HEBP1: variants seen among roughly 807,000 people sequenced by gnomAD.
HEBP1 encodes the protein heme-binding protein 1.
A neutral mutation model predicts 20.4 loss-of-function variants in HEBP1; 13 were observed. The ratio of observed to expected loss-of-function variants is 0.64; its 90% CI spans 0.42 to 1.01. The LOEUF (loss-of-function observed/expected upper bound fraction) is 1.01. Among genes scored for constraint, HEBP1 ranks in the 50% least tolerant of loss-of-function variants. The probability of loss-of-function intolerance (pLI) is 0.00; values close to 1 mark genes in which losing one functional copy is unlikely to be tolerated. For missense variants in HEBP1, 241 were observed against 247.3 expected, an observed-to-expected ratio of 0.97 and a Z score of 0.17; for synonymous variants, 92 against 90.7, an observed-to-expected ratio of 1.01 and a Z score of -0.08.
intron 1 of HEBP1, among the ~76,000 whole-genome samples, chr12:12,992,349 G>A (rs1016320197): frequency 3.3e-5 from 5 of 152,128 alleles, no homozygotes; most frequent in African/African-American, 4.8e-5. Flanking sequence ...GACTACAGGC[G>A]AACGCCACCA....
Position 12,975,228 on chromosome 12 carries a change from G to A in HEBP1, c.*80C>T. On this transcript the variant is annotated 3_prime_UTR_variant, in exon 4 of 4. Transcript: ENST00000014930. ...AAGTTGGACTTGCAGCTGGAACTTG[G>A]GAAGCACTGTCCCCTCCTTACCCCC... 2 of 1,363,804 alleles carry A rather than the reference G, an allele frequency of 1.5e-6. No homozygotes were observed. Among genetic ancestry groups the A allele is most frequent in the East Asian group, 2.4e-5 (1 of 42,208 alleles). 84.5% of individuals were successfully genotyped at this position (1,363,804 alleles called of 1,614,324 possible).
At chr12:12,992,388 G>A (rs567783865) in intron 1 of HEBP1, among the ~76,000 whole-genome samples, 21 of 152,276 alleles carry the variant, frequency 1.4e-4, no homozygotes, top group African/African-American at 4.1e-4. Flanking sequence ...GTTTTTAGTA[G>A]AGATGGGGTT....
chr12:12,989,417 TAG>T lies in HEBP1; in HGVS notation c.79-4_79-3del. ...CCTTTCTTCATAGGCAACTTCTTCCTAGAGAGAGAGAAGGTACAGTGTTTAAG... is the reference window on the plus strand; with the variant it reads ...CCTTTCTTCATAGGCAACTTCTTCCTAGAGAGAGAAGGTACAGTGTTTAAG... On this transcript the variant is annotated splice_region_variant and splice_polypyrimidine_tract_variant and intron_variant, in intron 1 of 3. Transcript: ENST00000014930. 6.2e-7 allele frequency: 1 copy of T among 1,613,962 alleles called. No individual in the cohort carries two copies. The highest frequency in any genetic ancestry group is 8.5e-7 in the Non-Finnish European group (1 of 1,179,908).
In HEBP1 at chr12:12,999,597, G is replaced by A. The variant is rs559409691; in HGVS notation, c.78+440C>T. On this transcript the variant is annotated intron_variant, in intron 1 of 3. Transcript: ENST00000014930. ...TTCCATTTAATAGTTATGGACAAGA[G>A]CTGACCACAGGTAACTGAAATCGCG... Among the ~76,000 whole-genome samples the A allele has an allele frequency of 6.6e-5, 10 of 152,346 alleles. No homozygotes were observed. In the South Asian group the frequency reaches 1.9e-3, roughly 28 times the overall value.
At chr12:12,983,970 T>C (rs1376440399) in intron 3 of HEBP1, 2 of 307,212 alleles carry the variant, frequency 6.5e-6, no homozygotes, top group African/African-American at 4.4e-5. Context: ...TTGAAGAGGC[T>C]CCCGCTGGCC....
At chr12:12,978,619 G>A (rs1051855693) in intron 3 of HEBP1, among the ~76,000 whole-genome samples, 7 of 152,092 alleles carry the variant, frequency 4.6e-5, no homozygotes, top group East Asian at 1.9e-4. Flanking sequence ...TGGGGCCACC[G>A]GAGCCCAGGA....
intron 1 of HEBP1, among the ~76,000 whole-genome samples, chr12:12,997,234 G>T (rs748274402): frequency 6.6e-6 from 1 of 152,072 alleles, no homozygotes; most frequent in Non-Finnish European, 1.5e-5. Flanking sequence ...TATCCCAGAG[G>T]CCCCAAATTA....
At position 12,975,321 on chromosome 12, in the gene HEBP1, A is replaced by G. The variant is rs1276144669; in HGVS notation, c.557T>C (p.Leu186Pro). Reference sequence around the variant, plus strand: ...TCAGTGGGTCACTCATGTCTTCAACAGCCAGATCTCATTGCGCCGTCCGTA... The same window carrying G: ...TCAGTGGGTCACTCATGTCTTCAACGGCCAGATCTCATTGCGCCGTCCGTA... ...KPYGRRNEIW[L>P]LKT The change falls in exon 4 of 4, where the codon CTG (leucine) becomes CCG (proline). Residue 186 changes from leucine to proline, a missense_variant. Coordinates refer to ENST00000014930, the MANE Select transcript of HEBP1 (RefSeq NM_015987.5). 6.2e-7 allele frequency: 1 copy of G among 1,613,950 alleles called. No homozygotes were observed. Among genetic ancestry groups the G allele is most frequent in the Non-Finnish European group, 8.5e-7 (1 of 1,179,950 alleles).
chr12:12,999,258 A>G (rs960023686), intron 1 of HEBP1, among the ~76,000 whole-genome samples: 1 of 152,236 alleles, frequency 6.6e-6, no homozygotes, highest in Non-Finnish European at 1.5e-5. Flanking sequence ...ATACATACCT[A>G]TGATATAGTT....
At chr12:12,999,910 G>C (rs1032431075) in intron 1 of HEBP1, 127 bp downstream of exon 1, 21 of 532,296 alleles carry the variant, frequency 3.9e-5, no homozygotes, top group Non-Finnish European at 5.8e-5. Flanking sequence ...ACTCGCGACA[G>C]ACACCAGAAC....
chr12:12,987,786 G>T (rs936404027), intron 2 of HEBP1, among the ~76,000 whole-genome samples: 6 of 152,004 alleles, frequency 3.9e-5, no homozygotes, highest in Admixed American at 3.9e-4. Flanking sequence ...ACAGGTGTGC[G>T]CCACCACACC....
intron 3 of HEBP1, chr12:12,983,773 C>T (rs764744490): frequency 3.1e-5 from 14 of 455,876 alleles, no homozygotes; most frequent in East Asian, 1.4e-4. Context: ...AAATGGTCAC[C>T]GACCTGCCTT....
At chr12:12,987,002 T>C (rs1592403504) in intron 3 of HEBP1, 150 bp downstream of exon 3, 1 of 705,070 alleles carries the variant, frequency 1.4e-6, no homozygotes, top group African/African-American at 1.8e-5. Flanking sequence ...CTGAAGAAAT[T>C]AAAATGAGAA....
intron 3 of HEBP1, among the ~76,000 whole-genome samples, chr12:12,982,499 T>C (rs1279016551): frequency 6.6e-6 from 1 of 152,172 alleles, no homozygotes; most frequent in African/African-American, 2.4e-5. Context: ...AGTTTAGCAG[T>C]TGAGCTCTTT....
At chr12:12,992,862 G>A (rs1864241708) in intron 1 of HEBP1, among the ~76,000 whole-genome samples, 1 of 152,124 alleles carries the variant, frequency 6.6e-6, no homozygotes, top group South Asian at 2.1e-4. Flanking sequence ...ACCTAAAATG[G>A]TTTTAAAGTT....
chr12:12,989,029 T>C (rs1217509740), intron 2 of HEBP1, among the ~76,000 whole-genome samples: 1 of 151,590 alleles, frequency 6.6e-6, no homozygotes, highest in Non-Finnish European at 1.5e-5. Flanking sequence ...CACCTGGGAG[T>C]GAAGCAGGAA....
rs1196004449 is a variant in HEBP1, at chr12:12,986,699, C to T, written c.398+453G>A. The T allele has an allele frequency of 3.2e-5, 5 of 157,336 alleles. No homozygotes were observed. Among genetic ancestry groups the T allele is most frequent in the Admixed American group, 3.1e-4 (5 of 16,090 alleles). 9.7% of individuals were successfully genotyped at this position (157,336 alleles called of 1,614,324 possible). ...TGTGCTCTGCTCAAAGGACTACCAT[C>T]CAGGAACAACAAGGAGGATGGAAGC... On this transcript the variant is annotated intron_variant, in intron 3 of 3. Coordinates refer to ENST00000014930, the MANE Select transcript of HEBP1 (RefSeq NM_015987.5). The surrounding 1 kb of genome is among the most constrained non-coding windows in gnomAD (Gnocchi z 4.3).
Position 12,986,516 on chromosome 12 carries a change from G to C in HEBP1, c.398+636C>G, listed in dbSNP as rs1189972633. 3 of 152,250 alleles carry C rather than the reference G, an allele frequency of 2.0e-5. No individual in the cohort carries two copies. The highest frequency in any genetic ancestry group is 2.4e-5 in the African/African-American group (1 of 41,452). The allele number at this position is 152,250 out of a possible 1,614,324, so 9.4% of individuals were successfully genotyped here. On this transcript the variant is annotated intron_variant, in intron 3 of 3. Transcript: ENST00000014930. This position sits in a 1 kb window ranked among gnomAD's most constrained non-coding sequence, Gnocchi z 4.3. ...ATGGGAGTGTTTTAACAAATGTGAG[G>C]AGTCATCAATGATCTAGAAGACTTG...
At chr12:12,982,365 G>A (rs1353231240) in intron 3 of HEBP1, among the ~76,000 whole-genome samples, 1 of 152,180 alleles carries the variant, frequency 6.6e-6, no homozygotes, top group Non-Finnish European at 1.5e-5. Flanking sequence ...GGCAAAGCAG[G>A]GTGCTAAGAC....
Sources: gnomAD v4.1 joint callset for allele counts (sites outside exome capture counted in the v4.1 genomes callset) on GRCh38, gnomAD v4.1.1 for gene constraint, Gnocchi (gnomAD v3.1) non-coding constraint, MANE v1.5 for transcripts, NCBI Gene and HGNC (gene_info 2026-07-23, HGNC 2026-07-21) for gene names.